The following LPA variants were observed in gnomAD, a reference collection of about 807,000 sequenced individuals.
LPA encodes lipoprotein(a), also known as apolipoprotein(a).
Under a neutral mutation model 197.9 loss-of-function variants are expected in LPA, and 199 were observed. That is an observed-to-expected ratio of 1.01 (90% CI 0.90 to 1.13). LPA has a LOEUF of 1.13. Ranked by LOEUF, LPA falls within the 50% of genes most tolerant of loss-of-function variation. LPA has a pLI of 0.00. For missense variants in LPA, 1,853 were observed against 1,785.8 expected, an observed-to-expected ratio of 1.04 and a Z score of -0.68; for synonymous variants, 715 against 639.5, an observed-to-expected ratio of 1.12 and a Z score of -1.78.
intron 22 of LPA, among the ~76,000 whole-genome samples, chr6:160,591,856 G>A (rs1779036252): frequency 6.6e-6 from 1 of 152,056 alleles, no homozygotes; most frequent in Admixed American, 6.5e-5. Flanking sequence ...CTTTCCTTGT[G>A]TCTTATTTGC....
intron 1 of LPA, among the ~76,000 whole-genome samples, chr6:160,658,339 C>A (rs1780165514): frequency 6.6e-6 from 1 of 152,178 alleles, no homozygotes; most frequent in South Asian, 2.1e-4. Context: ...TGTTGCAGAT[C>A]AGCTACTCGC....
intron 28 of LPA, among the ~76,000 whole-genome samples, chr6:160,570,275 C>A (rs1156660168): frequency 1.3e-5 from 2 of 152,178 alleles, no homozygotes; most frequent in Admixed American, 1.3e-4. Context: ...GAAAATGTGG[C>A]ACATATACAC....
At chr6:160,552,439 T>TG (rs1431899700) in intron 30 of LPA, among the ~76,000 whole-genome samples, 3 of 152,224 alleles carry the variant, frequency 2.0e-5, no homozygotes, top group Non-Finnish European at 1.5e-5. Context: ...GCAAGGTGTA[T>TG]AGTCCTTGAG....
intron 26 of LPA, 123 bp from the exon 27 acceptor site, chr6:160,578,827 A>C: frequency 1.5e-6 from 2 of 1,376,962 alleles, no homozygotes; most frequent in Non-Finnish European, 2.0e-6. Flanking sequence ...CCATTATACC[A>C]CAATAATATT....
At chr6:160,587,516 C>G (rs535089959) in intron 24 of LPA, among the ~76,000 whole-genome samples, 207 of 152,086 alleles carry the variant, frequency 1.4e-3, no homozygotes, top group Non-Finnish European at 1.6e-3. Context: ...ATGATATATC[C>G]CAGTAAATCA....
intron 28 of LPA, among the ~76,000 whole-genome samples, chr6:160,573,495 G>A (rs1334436800): frequency 2.0e-5 from 3 of 152,026 alleles, no homozygotes. Flanking sequence ...GGAGTGTGAT[G>A]AGCCTTGTTT....
intron 28 of LPA, among the ~76,000 whole-genome samples, chr6:160,576,686 G>GTATATA (rs775805522): frequency 8.2e-6 from 1 of 122,274 alleles, no homozygotes; most frequent in Admixed American, 8.4e-5. Flanking sequence ...GTGTGTGTGT[G>GTATATA]TGTGTATATA....
chr6:160,662,402 T>C (rs574019006), intron 1 of LPA, among the ~76,000 whole-genome samples: 3 of 152,206 alleles, frequency 2.0e-5, no homozygotes, highest in Non-Finnish European at 4.4e-5. Context: ...TCACTGAGCA[T>C]GGCTGTAAAA....
intron 30 of LPA, among the ~76,000 whole-genome samples, chr6:160,553,283 T>C (rs1463874367): frequency 6.6e-6 from 1 of 152,212 alleles, no homozygotes; most frequent in Non-Finnish European, 1.5e-5. Flanking sequence ...GGCTCTTCAT[T>C]ACTTAGTATG....
At chr6:160,584,309 CTCTTCTTCTTT>C (rs1241777133) in intron 26 of LPA, among the ~76,000 whole-genome samples, 1 of 112,232 alleles carries the variant, frequency 8.9e-6, no homozygotes, top group African/African-American at 3.3e-5. Flanking sequence ...CTTCTTCTTC[CTCTTCTTCTTT>C]TCTTCTTCTT....
At chr6:160,653,438 C>G (rs1262778503) in intron 1 of LPA, among the ~76,000 whole-genome samples, 2 of 152,012 alleles carry the variant, frequency 1.3e-5, no homozygotes, top group Non-Finnish European at 2.9e-5. Context: ...AGAGAACACC[C>G]CGCTCAACAA....
Position 160,586,554 on chromosome 6 carries a change from T to C in LPA, c.4024A>G (p.Arg1342Gly), listed in dbSNP as rs752526227. The change falls in exon 25 of 39, where the codon AGA becomes GGA. Residue 1342 changes from arginine to glycine, a missense_variant. Arg to Gly is a moderately radical substitution (Grantham distance 125, BLOSUM62 -2). Transcript: ENST00000316300. ...TGCGTCAGGTTGCAGTACTCCCATC[T>C]GACACTGGGATCCATGGTATAACAC... ...PWCYTMDPSV[R>G]WEYCNLTQCP... 2.5e-6 allele frequency: 4 copies of C among 1,613,846 alleles called. No homozygotes were observed. The highest frequency in any genetic ancestry group is 3.4e-6 in the Non-Finnish European group (4 of 1,179,810).
rs534041525 is a variant in LPA, at chr6:160,572,167, A to AC, written c.4631+4968dup. On this transcript the variant is annotated intron_variant, in intron 28 of 38. Coordinates refer to ENST00000316300, the MANE Select transcript of LPA (RefSeq NM_005577.4). ...CCTTCCACTTCCCAGGTGAGGTGACACCCCACCCTGCTTCAGGTCACCCTC... is the reference window on the plus strand; with the variant it reads ...CCTTCCACTTCCCAGGTGAGGTGACACCCCCACCCTGCTTCAGGTCACCCTC... Among the ~76,000 whole-genome samples the AC allele has an allele frequency of 3.9e-5, 6 of 152,220 alleles. No individual in the cohort carries two copies. In the East Asian group the frequency reaches 1.2e-3, roughly 29 times the overall value.
In LPA at chr6:160,606,447, C is replaced by A. The variant is rs780521410; in HGVS notation, c.2785+30G>T. On this transcript the variant is annotated intron_variant, in intron 17 of 38. Coordinates refer to ENST00000316300, the MANE Select transcript of LPA (RefSeq NM_005577.4). ...ATGGCTTTTCATCCCAGCATCGAAA[C>A]GTGTAGGTTTCTGGCCACAGGCTCC... The A allele has an allele frequency of 5.6e-6, 9 of 1,611,554 alleles. No homozygotes were observed. In the East Asian group the frequency reaches 6.7e-5, roughly 12 times the overall value.
At chr6:160,581,909 T>A (rs1489182675) in intron 26 of LPA, among the ~76,000 whole-genome samples, 1 of 152,192 alleles carries the variant, frequency 6.6e-6, no homozygotes. Flanking sequence ...ATAGTTCTTT[T>A]GCATATTGTG....
At position 160,611,485 on chromosome 6, in the gene LPA, T is replaced by A. The variant is rs906543504; in HGVS notation, c.2603+77A>T. The stretch of plus-strand genomic sequence containing the variant: ...CTGACACAAGTTGAGTTCGGAGAAC[T>A]CAGCTTGAAGCATGTCTCTTGTCAC... On this transcript the variant is annotated intron_variant, in intron 16 of 38. Coordinates refer to ENST00000316300, the MANE Select transcript of LPA (RefSeq NM_005577.4). The A allele has an allele frequency of 1.0e-4, 159 of 1,585,302 alleles. 2 individuals are homozygous for A. Among genetic ancestry groups the A allele is most frequent in the Non-Finnish European group, 1.2e-4 (139 of 1,163,892 alleles).
chr6:160,540,210 A>G (rs1159322246), intron 35 of LPA, 27 bp from the exon 36 acceptor site: 2 of 1,613,934 alleles, frequency 1.2e-6, no homozygotes, highest in Non-Finnish European at 1.7e-6. Flanking sequence ...TGTCAAGAGA[A>G]AAATATGGTC....
At chr6:160,545,592 T>G in intron 32 of LPA, 59 bp from the exon 33 acceptor site, 1 of 967,730 alleles carries the variant, frequency 1.0e-6, no homozygotes, top group Non-Finnish European at 1.7e-6. Context: ...GGAGAAGATA[T>G]TCTAAGGCAC....
At chr6:160,562,393 C>A (rs1419326637) in intron 28 of LPA, among the ~76,000 whole-genome samples, 2 of 152,192 alleles carry the variant, frequency 1.3e-5, no homozygotes, top group African/African-American at 2.4e-5. Context: ...TATGTTGAAC[C>A]AGCCTTGCAT....
Sources: allele counts gnomAD v4.1 joint callset (sites outside exome capture counted in the v4.1 genomes callset), GRCh38; gene constraint gnomAD v4.1.1; transcripts MANE v1.5; gene names NCBI Gene and HGNC (gene_info 2026-07-23, HGNC 2026-07-21).